LGSN: variants seen among roughly 807,000 people sequenced by gnomAD.
LGSN encodes the protein lengsin, lens protein with glutamine synthetase domain, also known as lengsin.
In LGSN, 21 loss-of-function variants were observed where a neutral mutation model predicts 19.5. The ratio of observed to expected loss-of-function variants is 1.07; its 90% CI spans 0.76 to 1.55. The LOEUF (loss-of-function observed/expected upper bound fraction) is 1.55, where lower values mean the gene tolerates loss of function less well. LGSN is among the 40% of genes most tolerant of loss of function. The probability of loss-of-function intolerance (pLI) is 0.00; values close to 1 mark genes in which losing one functional copy is unlikely to be tolerated. For missense variants in LGSN, 673 were observed against 608.5 expected (o/e 1.11, Z -1.12); for synonymous variants, 257 against 215.6 (o/e 1.19, Z -1.68).
intron 1 of LGSN, among the ~76,000 whole-genome samples, chr6:63,296,751 A>G (rs1460310216): frequency 2.6e-5 from 4 of 152,128 alleles, no homozygotes; most frequent in Non-Finnish European, 4.4e-5. Flanking sequence ...GCACATTGTC[A>G]AGCATGTTTT....
chr6:63,526,837 T>A, the LGSN span, among the ~76,000 whole-genome samples: 2,533 of 86,882 alleles, frequency 0.029, 24 homozygotes, highest in Non-Finnish European at 0.043. Context: ...ATATATATAT[T>A]TATTTATTTA....
chr6:63,496,902 T>C, the LGSN span, among the ~76,000 whole-genome samples: 2 of 152,124 alleles, frequency 1.3e-5, no homozygotes, highest in Admixed American at 6.5e-5. Context: ...CTTGCCTGTA[T>C]AGGATCCAAA....
the LGSN span, among the ~76,000 whole-genome samples, chr6:63,334,186 G>C: frequency 2.9e-3 from 449 of 152,230 alleles, 3 homozygotes; most frequent in African/African-American, 0.01. Flanking sequence ...CAAATTGTTC[G>C]CCTTTGCAGA....
At chr6:63,360,352 G>C in the LGSN span, among the ~76,000 whole-genome samples, 1 of 151,976 alleles carries the variant, frequency 6.6e-6, no homozygotes, top group African/African-American at 2.4e-5. Flanking sequence ...TGGAGGCTTT[G>C]TTTGTTTCTT....
At chr6:63,368,083 A>G in the LGSN span, among the ~76,000 whole-genome samples, 2 of 151,644 alleles carry the variant, frequency 1.3e-5, no homozygotes, top group African/African-American at 2.4e-5. Flanking sequence ...TAGAACTTAA[A>G]GTATAAAAAA....
chr6:63,369,906 G>C, the LGSN span, among the ~76,000 whole-genome samples: 3 of 152,098 alleles, frequency 2.0e-5, no homozygotes, highest in African/African-American at 7.2e-5. Context: ...GGAGGCTAAG[G>C]CATGAGAATT....
the LGSN span, among the ~76,000 whole-genome samples, chr6:63,471,729 G>C: frequency 6.6e-6 from 1 of 151,694 alleles, no homozygotes; most frequent in Non-Finnish European, 1.5e-5. Context: ...TTTACTACCT[G>C]CTATAGATTG....
At chr6:63,529,382 T>A in the LGSN span, among the ~76,000 whole-genome samples, 1 of 150,200 alleles carries the variant, frequency 6.7e-6, no homozygotes, top group Non-Finnish European at 1.5e-5. Context: ...ATTTCCTACA[T>A]CAATTCAAGC....
chr6:63,300,097 G>T (rs564346503), intron 1 of LGSN, among the ~76,000 whole-genome samples: 152 of 152,258 alleles, frequency 1.0e-3, no homozygotes, highest in African/African-American at 3.7e-3. Flanking sequence ...CTGTACCTGG[G>T]CCACTAGCAG....
the LGSN span, among the ~76,000 whole-genome samples, chr6:63,336,993 G>A: frequency 2.6e-5 from 4 of 151,094 alleles, no homozygotes; most frequent in South Asian, 6.3e-4. Flanking sequence ...GCACAATCTC[G>A]GCTCACTGCA....
the LGSN span, among the ~76,000 whole-genome samples, chr6:63,493,130 C>G: frequency 6.6e-6 from 1 of 152,162 alleles, no homozygotes; most frequent in Non-Finnish European, 1.5e-5. Flanking sequence ...TTTTGTCACC[C>G]CATTATTTTT....
At chr6:63,532,643 A>C in the LGSN span, among the ~76,000 whole-genome samples, 1 of 152,200 alleles carries the variant, frequency 6.6e-6, no homozygotes, top group Non-Finnish European at 1.5e-5. Context: ...ACAGCTTTCA[A>C]CCGAAGAGCA....
chr6:63,284,388 TA>T lies in LGSN; in HGVS notation c.330+1198del, dbSNP rs942831656. Among the ~76,000 whole-genome samples, 333 of 152,116 alleles carry T rather than the reference TA, an allele frequency of 2.2e-3. 1 individual carries two copies. Among genetic ancestry groups the T allele is most frequent in the African/African-American group, 7.2e-3 (301 of 41,536 alleles). On this transcript the variant is annotated intron_variant, in intron 3 of 3. Coordinates refer to ENST00000370657, the MANE Select transcript of LGSN (RefSeq NM_016571.3). ...AAAAATATTTTCAGTAGCAGTTGGA[TA>T]AAAAAAAGTATGCAGAATTTTTCTC...
At chr6:63,565,300 T>C in the LGSN span, among the ~76,000 whole-genome samples, 26 of 152,250 alleles carry the variant, frequency 1.7e-4, no homozygotes, top group East Asian at 5.8e-4. Flanking sequence ...GAGTTACTAA[T>C]GTGAATACAC....
the LGSN span, among the ~76,000 whole-genome samples, chr6:63,389,476 T>A: frequency 6.6e-6 from 1 of 152,190 alleles, no homozygotes; most frequent in Non-Finnish European, 1.5e-5. Flanking sequence ...GCATCTACCC[T>A]TGACCCCATT....
chr6:63,331,745 G>C, the LGSN span, among the ~76,000 whole-genome samples: 2 of 152,128 alleles, frequency 1.3e-5, no homozygotes, highest in African/African-American at 2.4e-5. Flanking sequence ...AGACCACATG[G>C]AGGACCGAGG....
the LGSN span, among the ~76,000 whole-genome samples, chr6:63,470,318 A>G: frequency 3.3e-5 from 5 of 152,018 alleles, no homozygotes; most frequent in African/African-American, 9.6e-5. Flanking sequence ...AAAAAAATAT[A>G]CAAAAATTAG....
chr6:63,337,783 A>G, the LGSN span, among the ~76,000 whole-genome samples: 1 of 152,138 alleles, frequency 6.6e-6, no homozygotes, highest in Non-Finnish European at 1.5e-5. Context: ...CAGCCTGGAT[A>G]ACAGAGTGAG....
At chr6:63,545,324 C>T in the LGSN span, among the ~76,000 whole-genome samples, 1 of 152,122 alleles carries the variant, frequency 6.6e-6, no homozygotes, top group Admixed American at 6.6e-5. Context: ...GTGGAAATTT[C>T]TTAGGCTGGG....
Sources: allele counts gnomAD v4.1 joint callset (sites outside exome capture counted in the v4.1 genomes callset), GRCh38; gene constraint gnomAD v4.1.1; transcripts MANE v1.5; gene names NCBI Gene and HGNC (gene_info 2026-07-23, HGNC 2026-07-21).